POLR1A: variants seen among roughly 807,000 people sequenced by gnomAD.
The protein encoded by POLR1A is RNA polymerase I subunit A, also known as DNA-directed RNA polymerase I subunit RPA1.
A neutral mutation model predicts 205.3 loss-of-function variants in POLR1A; 84 were observed. The ratio of observed to expected loss-of-function variants is 0.41; its 90% CI spans 0.34 to 0.49. The LOEUF (loss-of-function observed/expected upper bound fraction) is 0.49. Among genes scored for constraint, POLR1A ranks in the 20% least tolerant of loss-of-function variants. POLR1A has a pLI of 0.22. For missense variants in POLR1A, 1,645 were observed against 2,204.5 expected (o/e 0.75, Z 5.08); for synonymous variants, 799 against 863.7 (o/e 0.93, Z 1.31).
intron 2 of POLR1A, among the ~76,000 whole-genome samples, chr2:86,099,040 T>G (rs1486862753): frequency 6.6e-6 from 1 of 152,164 alleles, no homozygotes; most frequent in African/African-American, 2.4e-5. Flanking sequence ...CAAGATTTAA[T>G]TAAGAGACTT....
rs1432426293 is a variant in POLR1A at position 86,045,783 on chromosome 2, A to G, written c.2734-14T>C. On this transcript the variant is annotated splice_polypyrimidine_tract_variant and intron_variant, in intron 19 of 33. Transcript: ENST00000263857. Reference sequence around the variant, plus strand: ...CAGGCACGAGATCTGGAGGACAGGAAATCCACAGGAAACTGAAGATCCACA... The same window carrying G: ...CAGGCACGAGATCTGGAGGACAGGAGATCCACAGGAAACTGAAGATCCACA... 1 of 1,599,394 alleles carries G rather than the reference A, an allele frequency of 6.3e-7. No individual in the cohort carries two copies. Among genetic ancestry groups the G allele is most frequent in the African/African-American group, 1.4e-5 (1 of 73,546 alleles).
In POLR1A at chr2:86,030,245, A is replaced by G. The variant is rs1672360249; in HGVS notation, c.4730T>C (p.Val1577Ala). 3 of 1,614,112 alleles carry G rather than the reference A, an allele frequency of 1.9e-6. No individual in the cohort carries two copies. The highest frequency in any genetic ancestry group is 2.5e-6 in the Non-Finnish European group (3 of 1,180,040). ...GAGGTTGATTCCTTCTGTGTTTAGC[A>G]CAAGCTCCTTCTCGTTCTTATTGTT... ...TTNNKNEKELVLNTEGINLPE... is the reference protein window; with the variant it reads ...TTNNKNEKELALNTEGINLPE... The change falls in exon 31 of 34, where the codon GTG becomes GCG. Residue 1577 changes from valine to alanine, a missense_variant. Val to Ala is a moderately conservative substitution (Grantham distance 64). This residue lies in a region of POLR1A where 394 missense variants were observed against 468.5 expected (regional missense o/e 0.84). Coordinates refer to ENST00000263857, the MANE Select transcript of POLR1A (RefSeq NM_015425.6).
rs1421725737 is a variant in POLR1A, at chr2:86,023,234, C to A, written c.*4189G>T. Reference sequence around the variant, plus strand: ...GTCAGGAGACCTGCGGTAGGCCCAGCAACTCTGTGACCTATCTAAACTACA... The same window carrying A: ...GTCAGGAGACCTGCGGTAGGCCCAGAAACTCTGTGACCTATCTAAACTACA... On this transcript the variant is annotated 3_prime_UTR_variant, in exon 34 of 34. Coordinates refer to ENST00000263857, the MANE Select transcript of POLR1A (RefSeq NM_015425.6). The A allele has an allele frequency of 6.6e-6, 1 of 152,196 alleles. No individual in the cohort carries two copies. Among genetic ancestry groups the A allele is most frequent in the Non-Finnish European group, 1.5e-5 (1 of 68,044 alleles). 9.4% of individuals were successfully genotyped at this position (152,196 alleles called of 1,614,324 possible).
At chr2:86,085,257 G>A (rs924468522) in intron 6 of POLR1A, among the ~76,000 whole-genome samples, 11 of 152,096 alleles carry the variant, frequency 7.2e-5, no homozygotes, top group Admixed American at 4.6e-4. Flanking sequence ...CACCGTGCCC[G>A]GCCCATGTCC....
chr2:86,079,943 G>A (rs931210897), intron 9 of POLR1A, among the ~76,000 whole-genome samples: 1 of 152,114 alleles, frequency 6.6e-6, no homozygotes, highest in Non-Finnish European at 1.5e-5. Flanking sequence ...ACTGCACTAA[G>A]GCATGCACAT....
intron 4 of POLR1A, among the ~76,000 whole-genome samples, 166 bp from the exon 5 acceptor site, chr2:86,089,036 C>T (rs922962459): frequency 1.3e-5 from 2 of 152,224 alleles, no homozygotes; most frequent in Non-Finnish European, 2.9e-5. Flanking sequence ...TGAGCTCTGA[C>T]AATTACTGAG....
At chr2:86,065,520 T>A in intron 13 of POLR1A, 55 bp from the exon 14 acceptor site, 1 of 1,526,578 alleles carries the variant, frequency 6.6e-7, no homozygotes, top group African/African-American at 1.4e-5. Context: ...TAAGTCAAAC[T>A]CTAATCCCTA....
rs1294635491 is a variant in POLR1A, at chr2:86,045,874, G to A, written c.2734-105C>T. 3.0e-6 allele frequency: 3 copies of A among 990,656 alleles called. No individual in the cohort carries two copies. In the East Asian group the frequency reaches 8.3e-5, roughly 27 times the overall value. The allele number at this position is 990,656 out of a possible 1,614,324, so 61.4% of individuals were successfully genotyped here. A position where few individuals can be genotyped will look rare whatever the true frequency, so the allele number is the denominator to read the frequency against. ...ATCTGACCTTGAAGAAAAGCTGCAT[G>A]GAAACCGAGTTCTTGAAGGCTAACC... On this transcript the variant is annotated intron_variant, in intron 19 of 33. Transcript: ENST00000263857.
At chr2:86,040,164 GGAGT>G in intron 25 of POLR1A, 1 of 403,246 alleles carries the variant, frequency 2.5e-6, no homozygotes, top group Non-Finnish European at 4.4e-6. Context: ...CGTGGATGCA[GGAGT>G]TGGCAGAGGA....
intron 15 of POLR1A, 138 bp from the exon 16 acceptor site, chr2:86,053,138 T>C (rs1355995319): frequency 4.5e-6 from 2 of 443,406 alleles, no homozygotes; most frequent in African/African-American, 2.0e-5. Context: ...TGGAAAAAAG[T>C]AGGGCATATG....
rs1408044530 is a variant in POLR1A, at chr2:86,044,152, G to T, written c.3122C>A (p.Ala1041Asp). ...FLQPKQFPFLASNYEVIMKSQ... is the reference protein window; with the variant it reads ...FLQPKQFPFLDSNYEVIMKSQ... ...CTAGCACACTACCTCGTAGTTGCTG[G>T]CCAGGAAGGGGAACTGCTTGGGCTG... The change falls in exon 22 of 34, where the codon GCC (alanine) becomes GAC (aspartate). Residue 1041 changes from alanine (A) to aspartate (D), a missense_variant. Transcript: ENST00000263857. 3 of 1,614,030 alleles carry T rather than the reference G, an allele frequency of 1.9e-6. No individual in the cohort carries two copies. Among genetic ancestry groups the T allele is most frequent in the Non-Finnish European group, 2.5e-6 (3 of 1,180,020 alleles).
At chr2:86,088,154 G>A (rs1490080064) in intron 6 of POLR1A, among the ~76,000 whole-genome samples, 2 of 152,158 alleles carry the variant, frequency 1.3e-5, no homozygotes, top group Admixed American at 6.5e-5. Flanking sequence ...CCTGCAGGAG[G>A]CGCTCATGTT....
At position 86,028,942 on chromosome 2, in the gene POLR1A, C is replaced by T. The variant is rs574221349; in HGVS notation, c.4780-231G>A. 298 of 513,366 alleles carry T rather than the reference C, an allele frequency of 5.8e-4. No individual in the cohort carries two copies. Among genetic ancestry groups the T allele is most frequent in the Admixed American group, 9.3e-4 (29 of 31,112 alleles). 31.8% of individuals were successfully genotyped at this position (513,366 alleles called of 1,614,324 possible). Reference sequence around the variant, plus strand: ...CTGTATCGTCATTACAAGAATCCAGCGTGTCCACTTTGGACACGCTTTAGA... The same window carrying T: ...CTGTATCGTCATTACAAGAATCCAGTGTGTCCACTTTGGACACGCTTTAGA... On this transcript the variant is annotated intron_variant, in intron 31 of 33. Transcript: ENST00000263857. This position sits in a 1 kb window ranked among gnomAD's most constrained non-coding sequence, Gnocchi z 4.5.
intron 27 of POLR1A, among the ~76,000 whole-genome samples, 168 bp from the exon 28 acceptor site, chr2:86,033,955 T>C (rs747614341): frequency 3.3e-5 from 5 of 152,118 alleles, no homozygotes; most frequent in Non-Finnish European, 7.4e-5. Flanking sequence ...TTTGGAACCG[T>C]CTCTGGCGTA....
Position 86,065,309 on chromosome 2 carries a change from T to G in POLR1A, c.2023A>C (p.Ile675Leu), listed in dbSNP as rs1183377078. The G allele has an allele frequency of 1.2e-6, 2 of 1,614,136 alleles. No homozygotes were observed. Among genetic ancestry groups the G allele is most frequent in the Non-Finnish European group, 1.7e-6 (2 of 1,180,002 alleles). Residue 675 changes from isoleucine to leucine, a missense_variant, in exon 14 of 34, where the codon ATC (isoleucine) becomes CTC (leucine). Transcript: ENST00000263857. ...VGRVKLLSPS[I>L]LKPFPLWTGK... is the part of the protein sequence containing the mutation. ...GTCCACAGCGGAAAGGGCTTCAGGA[T>G]GGAAGGAGAAAGGAGCTTCACGCGC... is the stretch of plus-strand genomic sequence containing the variant.
intron 28 of POLR1A, 78 bp from the exon 29 acceptor site, chr2:86,032,460 C>CCAT: frequency 9.7e-7 from 1 of 1,034,462 alleles, no homozygotes; most frequent in Admixed American, 1.7e-5. Context: ...CACCCACCAA[C>CCAT]CCATCCATCC....
intron 1 of POLR1A, among the ~76,000 whole-genome samples, chr2:86,102,468 A>G (rs997222641): frequency 4.6e-5 from 7 of 152,150 alleles, no homozygotes; most frequent in Admixed American, 2.6e-4. Flanking sequence ...TTAAAATTGA[A>G]TTTTGTGTTG....
intron 9 of POLR1A, among the ~76,000 whole-genome samples, chr2:86,078,894 G>T (rs1673345656): frequency 1.3e-5 from 2 of 152,108 alleles, no homozygotes. Context: ...CCCTAGCCCT[G>T]TCTCCTCCTC....
Position 86,075,125 on chromosome 2 carries a change from C to A in POLR1A, c.1516G>T (p.Ala506Ser), listed in dbSNP as rs2104416958. The A allele has an allele frequency of 1.2e-6, 2 of 1,613,532 alleles. No individual in the cohort carries two copies. The highest frequency in any genetic ancestry group is 1.7e-6 in the Non-Finnish European group (2 of 1,179,924). ...MVINEDGSRT[A>S]LSAVDMTQRE... The stretch of plus-strand genomic sequence containing the variant: ...TGGGTCATGTCCACAGCGCTCAGGG[C>A]TGTGCGGCTGCCGTCCTCATTGATG... Residue 506 changes from alanine to serine, a missense_variant, in exon 12 of 34, where the codon GCC becomes TCC. By Grantham distance (99) the Ala-to-Ser change is moderately conservative (BLOSUM62 1). Around this residue, in one of 16 missense-constraint regions of POLR1A, gnomAD observed 131 missense variants for 214.5 expected, o/e 0.61. Transcript: ENST00000263857.
Sources: gnomAD v4.1 joint callset for allele counts (sites outside exome capture counted in the v4.1 genomes callset) on GRCh38, gnomAD v4.1.1 for gene constraint, gnomAD v4.1.1 regional missense constraint, Gnocchi (gnomAD v3.1) non-coding constraint, MANE v1.5 for transcripts, NCBI Gene and HGNC (gene_info 2026-07-23, HGNC 2026-07-21) for gene names.